The following NKAIN3 variants were observed in gnomAD, a reference collection of about 807,000 sequenced individuals.
NKAIN3 encodes sodium/potassium transporting ATPase interacting 3, also known as sodium/potassium-transporting ATPase subunit beta-1-interacting protein 3.
Under a neutral mutation model 30.2 loss-of-function variants are expected in NKAIN3, and 25 were observed. The ratio of observed to expected loss-of-function variants is 0.83; its 90% CI spans 0.60 to 1.16. The LOEUF is 1.16. NKAIN3 is among the 50% of genes most tolerant of loss of function. The pLI is 0.00. For synonymous variants in NKAIN3, 91 were observed against 89.6 expected, an observed-to-expected ratio of 1.02 and a Z score of -0.09; for missense variants, 225 against 254.1, an observed-to-expected ratio of 0.89 and a Z score of 0.78.
At chr8:62,889,421 A>G (rs1230676129) in intron 4 of NKAIN3, among the ~76,000 whole-genome samples, 1 of 152,076 alleles carries the variant, frequency 6.6e-6, no homozygotes, top group East Asian at 1.9e-4. Flanking sequence ...CTTGTTGAAC[A>G]TCATAAGAGG....
chr8:62,346,098 G>T (rs1172387309), intron 1 of NKAIN3, among the ~76,000 whole-genome samples: 1 of 151,964 alleles, frequency 6.6e-6, no homozygotes, highest in East Asian at 1.9e-4. Flanking sequence ...GTGGGGAGAG[G>T]TTAGTAAACA....
intron 4 of NKAIN3, among the ~76,000 whole-genome samples, chr8:62,752,654 G>A (rs555568582): frequency 6.6e-6 from 1 of 152,282 alleles, no homozygotes; most frequent in East Asian, 1.9e-4. Flanking sequence ...TCAACAGCCA[G>A]TAGTGTGCTC....
chr8:62,932,248 C>A (rs766084410), intron 5 of NKAIN3, among the ~76,000 whole-genome samples: 6 of 152,192 alleles, frequency 3.9e-5, no homozygotes, highest in Admixed American at 1.3e-4. Flanking sequence ...TATTGGGAGA[C>A]TTCTGTGAGT....
intron 1 of NKAIN3, among the ~76,000 whole-genome samples, chr8:62,467,011 T>A (rs1006935428): frequency 9.9e-5 from 15 of 152,154 alleles, no homozygotes; most frequent in African/African-American, 3.6e-4. Context: ...GGCCTAACAA[T>A]GGGCTACAGT....
chr8:62,991,953 TGAGACCCGG>T lies in NKAIN3; in HGVS notation c.533-7276_533-7268del, dbSNP rs1824328520. On this transcript the variant is annotated intron_variant, in intron 5 of 5. Coordinates refer to the NKAIN3 transcript ENST00000519049. ...TCAGTAGCTGGAGTTGAGGTGCCAC[TGAGACCCGG>T]GGCCCATACCCAGCACTGCTCCCCT... Among the ~76,000 whole-genome samples the T allele has an allele frequency of 2.0e-5, 3 of 150,240 alleles. No homozygotes were observed. The South Asian group carries it at 6.2e-4, about 31-fold the overall frequency.
At chr8:62,278,774 A>G (rs1288128460) in intron 1 of NKAIN3, among the ~76,000 whole-genome samples, 2 of 152,180 alleles carry the variant, frequency 1.3e-5, no homozygotes, top group Non-Finnish European at 1.5e-5. Context: ...AATCCAGTCT[A>G]TCATTGATGG....
rs1338003986 is a variant in NKAIN3 at position 62,553,597 on chromosome 8, C to T, written c.55-25942C>T. On this transcript the variant is annotated intron_variant, in intron 1 of 6. Coordinates refer to ENST00000623646, the MANE Select transcript of NKAIN3 (RefSeq NM_001304533.3). ...TGTCACTCAGGCTGGAGTACAGTGG[C>T]GCGATCTCGGCTCACTGCCACCTCT... Among the ~76,000 whole-genome samples the T allele has an allele frequency of 4.7e-5, 7 of 149,888 alleles. No individual in the cohort carries two copies. In the East Asian group the frequency reaches 5.9e-4, roughly 13 times the overall value.
chr8:62,477,166 C>G (rs1384033898), intron 1 of NKAIN3, among the ~76,000 whole-genome samples: 1 of 152,146 alleles, frequency 6.6e-6, no homozygotes, highest in South Asian at 2.1e-4. Context: ...TGTGGAAACA[C>G]ACATGGAGCT....
At chr8:62,719,455 G>A (rs986745928) in intron 3 of NKAIN3, among the ~76,000 whole-genome samples, 1 of 152,146 alleles carries the variant, frequency 6.6e-6, no homozygotes, top group African/African-American at 2.4e-5. Context: ...CTAAATTTGT[G>A]TTGACCAGAA....
At chr8:62,519,164 G>A (rs532900453) in intron 1 of NKAIN3, among the ~76,000 whole-genome samples, 232 of 152,236 alleles carry the variant, frequency 1.5e-3, no homozygotes, top group African/African-American at 5.4e-3. Flanking sequence ...ATTCCTGACA[G>A]TGTTAGCATA....
chr8:62,573,331 C>T (rs1810006085), intron 1 of NKAIN3, among the ~76,000 whole-genome samples: 1 of 152,144 alleles, frequency 6.6e-6, no homozygotes, highest in Non-Finnish European at 1.5e-5. Context: ...CTAGCATGAG[C>T]TAGGGTTTCA....
intron 4 of NKAIN3, among the ~76,000 whole-genome samples, chr8:62,887,550 G>C (rs915824669): frequency 4.0e-5 from 6 of 151,668 alleles, no homozygotes; most frequent in Non-Finnish European, 2.9e-5. Context: ...ACCTGTTCTT[G>C]TTTTTTAAAT....
chr8:62,501,039 A>G (rs1461229071), intron 1 of NKAIN3, among the ~76,000 whole-genome samples: 1 of 152,204 alleles, frequency 6.6e-6, no homozygotes, highest in African/African-American at 2.4e-5. Flanking sequence ...ATTCACATAA[A>G]CATATTCTTA....
intron 3 of NKAIN3, among the ~76,000 whole-genome samples, chr8:62,732,193 C>G (rs1185034463): frequency 6.6e-6 from 1 of 151,970 alleles, no homozygotes; most frequent in East Asian, 1.9e-4. Context: ...CTTATCTGCC[C>G]CCAATAGATG....
At chr8:62,512,548 GT>G (rs1184761913) in intron 1 of NKAIN3, among the ~76,000 whole-genome samples, 1 of 152,056 alleles carries the variant, frequency 6.6e-6, no homozygotes, top group Non-Finnish European at 1.5e-5. Context: ...TATTTATTGT[GT>G]TTTTTCAATT....
chr8:62,372,703 T>A (rs975031542), intron 1 of NKAIN3, among the ~76,000 whole-genome samples: 1 of 152,030 alleles, frequency 6.6e-6, no homozygotes, highest in African/African-American at 2.4e-5. Flanking sequence ...ATTTTATGTT[T>A]CCTTGTTTTA....
chr8:62,912,345 A>C (rs1446410809), intron 4 of NKAIN3, among the ~76,000 whole-genome samples: 1 of 152,180 alleles, frequency 6.6e-6, no homozygotes. Flanking sequence ...ATGTTACTCC[A>C]CACTGCTGTA....
chr8:62,398,966 C>T (rs2129595099), intron 1 of NKAIN3, among the ~76,000 whole-genome samples: 1 of 152,218 alleles, frequency 6.6e-6, no homozygotes, highest in East Asian at 1.9e-4. Context: ...TGGCACACGC[C>T]TGAAATTCCA....
At chr8:62,757,883 A>G (rs75399184) in intron 4 of NKAIN3, among the ~76,000 whole-genome samples, 2,534 of 152,278 alleles carry the variant, frequency 0.017, 67 homozygotes, top group African/African-American at 0.059. Flanking sequence ...AGTAAGTCAA[A>G]TAAGGAACTA....
Sources: gnomAD v4.1 joint callset for allele counts (sites outside exome capture counted in the v4.1 genomes callset) on GRCh38, gnomAD v4.1.1 for gene constraint, MANE v1.5 for transcripts, NCBI Gene and HGNC (gene_info 2026-07-23, HGNC 2026-07-21) for gene names.